Variants in IL23R observed in about 807,000 individuals in gnomAD.
The protein encoded by IL23R is interleukin-23 receptor.
A neutral mutation model predicts 56.9 loss-of-function variants in IL23R; 34 were observed. That is an observed-to-expected ratio of 0.60 (90% confidence interval 0.45 to 0.80). The LOEUF is 0.80. IL23R is among the 30% of genes least tolerant of loss of function. The pLI is 0.00. For missense variants in IL23R, 635 were observed against 730.0 expected (o/e 0.87, Z 1.50); for synonymous variants, 230 against 249.2 (o/e 0.92, Z 0.73).
At chr1:67,145,354 G>A (rs879654861) in intron 1 of IL23R, among the ~76,000 whole-genome samples, 6 of 152,038 alleles carry the variant, frequency 3.9e-5, no homozygotes, top group African/African-American at 1.2e-4. Context: ...TCTCAAATAC[G>A]TACATAAAAT....
chr1:67,216,591 T>A (rs1416883207), intron 6 of IL23R, among the ~76,000 whole-genome samples: 1 of 152,204 alleles, frequency 6.6e-6, no homozygotes, highest in Non-Finnish European at 1.5e-5. Flanking sequence ...TGTAAATGAA[T>A]GGGCATAGTC....
chr1:67,189,164 C>G (rs1446978922), intron 4 of IL23R, among the ~76,000 whole-genome samples: 1 of 151,998 alleles, frequency 6.6e-6, no homozygotes, highest in East Asian at 1.9e-4. Context: ...TTTATTCATT[C>G]AAACTAGAAT....
At chr1:67,241,224 C>A (rs1256369784) in intron 9 of IL23R, among the ~76,000 whole-genome samples, 2 of 152,150 alleles carry the variant, frequency 1.3e-5, no homozygotes, top group Non-Finnish European at 2.9e-5. Context: ...CTTATATGGT[C>A]TTTAAACCCA....
chr1:67,142,233 G>A (rs1646644663), intron 1 of IL23R, among the ~76,000 whole-genome samples: 1 of 152,106 alleles, frequency 6.6e-6, no homozygotes, highest in African/African-American at 2.4e-5. Context: ...TTCCAAGTGA[G>A]ATCCTTTCTC....
chr1:67,232,974 C>T (rs548817143), intron 7 of IL23R, among the ~76,000 whole-genome samples: 5 of 151,976 alleles, frequency 3.3e-5, no homozygotes, highest in East Asian at 3.9e-4. Flanking sequence ...CCTGTTTCCC[C>T]GATCACCATG....
chr1:67,176,059 A>G (rs982423920), intron 3 of IL23R, among the ~76,000 whole-genome samples: 2 of 152,218 alleles, frequency 1.3e-5, no homozygotes, highest in African/African-American at 4.8e-5. Context: ...ATCAAACTCA[A>G]ACTCAATGAC....
intron 9 of IL23R, among the ~76,000 whole-genome samples, chr1:67,247,338 T>G (rs1652298313): frequency 6.6e-6 from 1 of 151,882 alleles, no homozygotes; most frequent in African/African-American, 2.4e-5. Context: ...GAGTTTCACT[T>G]TTGTTGCCCA....
Position 67,169,490 on chromosome 1 carries a change from A to G in IL23R, c.219A>G (p.Glu73=), listed in dbSNP as rs1171441053. 3.1e-6 allele frequency: 5 copies of G among 1,614,026 alleles called. No homozygotes were observed. In the Admixed American group the frequency reaches 6.7e-5, roughly 22 times the overall value. Residue 73 remains glutamate (E), a synonymous_variant, in exon 3 of 11, where the codon GAA becomes GAG. Transcript: ENST00000347310. The stretch of plus-strand genomic sequence containing the variant: ...ATTTTTATAAAAATGGCATCAAAGA[A>G]AGATTTCAAATCACAAGGATTAATA... ...KLHFYKNGIK[E]RFQITRINKT...
At chr1:67,220,879 C>A (rs979631319) in intron 7 of IL23R, among the ~76,000 whole-genome samples, 39 of 152,220 alleles carry the variant, frequency 2.6e-4, no homozygotes, top group African/African-American at 9.2e-4. Flanking sequence ...GCTCAGACTA[C>A]AGATGCGGTC....
chr1:67,252,834 A>G (rs1019010648), intron 9 of IL23R, among the ~76,000 whole-genome samples: 4 of 151,372 alleles, frequency 2.6e-5, no homozygotes, highest in African/African-American at 9.7e-5. Context: ...GAAGTGACAT[A>G]CAGAAATTGG....
chr1:67,154,040 T>A (rs1646752020), intron 1 of IL23R, among the ~76,000 whole-genome samples: 1 of 152,248 alleles, frequency 6.6e-6, no homozygotes, highest in African/African-American at 2.4e-5. Flanking sequence ...AGTGCTGGGA[T>A]TACAGGCGTG....
intron 5 of IL23R, among the ~76,000 whole-genome samples, chr1:67,206,458 A>T (rs1367094492): frequency 6.6e-6 from 1 of 152,144 alleles, no homozygotes; most frequent in East Asian, 1.9e-4. Flanking sequence ...TTTCAGGCAC[A>T]CATCACCACA....
At chr1:67,154,107 A>G (rs968945221) in intron 1 of IL23R, among the ~76,000 whole-genome samples, 7 of 152,146 alleles carry the variant, frequency 4.6e-5, no homozygotes, top group Non-Finnish European at 1.0e-4. Context: ...ATTTGATTGC[A>G]CTGTGGTCTG....
In IL23R at chr1:67,184,405, G is replaced by A. The variant is rs573807963; in HGVS notation, c.491+1446G>A. 2.6e-5 allele frequency among the ~76,000 whole-genome samples: 4 copies of A among 151,996 alleles called. No homozygotes were observed. In the East Asian group the frequency reaches 7.7e-4, roughly 29 times the overall value. ...TACTAAAAATGCAAAAATTAGCCAG[G>A]TGTGGTGGCACACACTTGTAATCCC... On this transcript the variant is annotated intron_variant, in intron 4 of 10. Coordinates refer to ENST00000347310, the MANE Select transcript of IL23R (RefSeq NM_144701.3).
rs1216195004 is a variant in IL23R, at chr1:67,198,861, C to T, written c.492-1876C>T. On this transcript the variant is annotated intron_variant, in intron 4 of 10. Transcript: ENST00000347310. The stretch of plus-strand genomic sequence containing the variant: ...TCAGGAGGCTGGGGTGGGAGGATCA[C>T]TCGAGCCCAGGAGGTCAAGGTTGCA... Among the ~76,000 whole-genome samples the T allele has an allele frequency of 2.0e-5, 3 of 152,176 alleles. No individual in the cohort carries two copies. In the East Asian group the frequency reaches 5.8e-4, roughly 29 times the overall value.
chr1:67,221,728 T>C lies in IL23R; in HGVS notation c.955+1998T>C, dbSNP rs116746027. Among the ~76,000 whole-genome samples, 431 of 152,336 alleles carry C rather than the reference T, an allele frequency of 2.8e-3. 3 individuals are homozygous for C. The highest frequency in any genetic ancestry group is 0.01 in the African/African-American group (421 of 41,576). ...TATTATAATCCCAGTATGAATAGCA[T>C]CATTATTATAACATTCTGGAATTGT... On this transcript the variant is annotated intron_variant, in intron 7 of 10. Transcript: ENST00000347310.
intron 3 of IL23R, among the ~76,000 whole-genome samples, chr1:67,173,459 T>C (rs1481526707): frequency 2.6e-5 from 4 of 152,124 alleles, no homozygotes; most frequent in African/African-American, 7.2e-5. Flanking sequence ...TCAGCACAAA[T>C]CATTGTAATC....
intron 7 of IL23R, among the ~76,000 whole-genome samples, chr1:67,225,010 A>G (rs949273009): frequency 1.3e-5 from 2 of 152,202 alleles, no homozygotes; most frequent in East Asian, 1.9e-4. Flanking sequence ...AGGCTGGTAA[A>G]CAGTAGAGCC....
intron 9 of IL23R, among the ~76,000 whole-genome samples, chr1:67,246,846 A>T (rs1467870546): frequency 6.6e-6 from 1 of 152,192 alleles, no homozygotes; most frequent in Admixed American, 6.5e-5. Flanking sequence ...TCCAGAGCTG[A>T]GTTCAAGTCC....
Sources: gnomAD v4.1 joint callset for allele counts (sites outside exome capture counted in the v4.1 genomes callset) on GRCh38, gnomAD v4.1.1 for gene constraint, MANE v1.5 for transcripts, NCBI Gene and HGNC (gene_info 2026-07-23, HGNC 2026-07-21) for gene names.